ZMIZ1: variants seen among roughly 807,000 people sequenced by gnomAD.
ZMIZ1 encodes zinc finger MIZ-type containing 1, also known as zinc finger MIZ domain-containing protein 1.
A neutral mutation model predicts 113.9 loss-of-function variants in ZMIZ1; 17 were observed. That is an observed-to-expected ratio of 0.15 (90% CI 0.10 to 0.22). ZMIZ1 has a LOEUF of 0.22. ZMIZ1 is among the 10% of genes least tolerant of loss of function. ZMIZ1 has a pLI of 1.00. For synonymous variants in ZMIZ1, 607 were observed against 603.1 expected (o/e 1.01, Z -0.09); for missense variants, 1,059 against 1,477.8 (o/e 0.72, Z 4.65).
chr10:79,314,421 C>T lies in ZMIZ1; in HGVS notation c.*1672C>T, dbSNP rs566864566. 17 of 357,130 alleles carry T rather than the reference C, an allele frequency of 4.8e-5. No individual in the cohort carries two copies. The highest frequency in any genetic ancestry group is 2.2e-4 in the East Asian group (3 of 13,598). The allele number at this position is 357,130 out of a possible 1,614,324, so 22.1% of individuals were successfully genotyped here. On this transcript the variant is annotated 3_prime_UTR_variant, in exon 25 of 25. Coordinates refer to ENST00000334512, the MANE Select transcript of ZMIZ1 (RefSeq NM_020338.4). The stretch of plus-strand genomic sequence containing the variant: ...GGCCCCAGCTGTTGACTTCCAGTCA[C>T]TGTCCCAGACGGCACAAGGTTTTCT...
chr10:79,176,124 C>T (rs1846855270), intron 4 of ZMIZ1, among the ~76,000 whole-genome samples: 1 of 152,128 alleles, frequency 6.6e-6, no homozygotes, highest in African/African-American at 2.4e-5. Flanking sequence ...GGCAGCCACA[C>T]AGACCGCACG....
At chr10:79,220,888 G>A (rs1447770593) in intron 7 of ZMIZ1, among the ~76,000 whole-genome samples, 1 of 152,056 alleles carries the variant, frequency 6.6e-6, no homozygotes, top group Admixed American at 6.6e-5. Flanking sequence ...GTGTATCTGA[G>A]CATGCTGTGT....
chr10:79,159,276 GA>G (rs776104989), intron 3 of ZMIZ1, among the ~76,000 whole-genome samples: 37 of 152,224 alleles, frequency 2.4e-4, no homozygotes, highest in Non-Finnish European at 5.1e-4. Flanking sequence ...TCTTCTCCCT[GA>G]ACTCCCCAGG....
intron 7 of ZMIZ1, among the ~76,000 whole-genome samples, chr10:79,267,408 A>G (rs1333881569): frequency 1.3e-5 from 2 of 152,274 alleles, no homozygotes; most frequent in African/African-American, 2.4e-5. Flanking sequence ...CCAAGGGAAC[A>G]TGTATACTAC....
At chr10:79,157,456 G>A (rs923063872) in intron 3 of ZMIZ1, among the ~76,000 whole-genome samples, 1 of 151,920 alleles carries the variant, frequency 6.6e-6, no homozygotes, top group South Asian at 2.1e-4. Context: ...GAGCTCTGAG[G>A]TGGCATTGGT....
chr10:79,297,859 C>T (rs565630695), intron 14 of ZMIZ1, among the ~76,000 whole-genome samples, 169 bp downstream of exon 14: 18 of 152,244 alleles, frequency 1.2e-4, no homozygotes, highest in Middle Eastern at 6.8e-3. Context: ...TGAGAATCCA[C>T]GGCTCCAGGT....
intron 3 of ZMIZ1, among the ~76,000 whole-genome samples, chr10:79,144,123 G>A (rs904459307): frequency 6.6e-5 from 10 of 152,162 alleles, no homozygotes; most frequent in South Asian, 6.2e-4. Context: ...GAGTAATCCC[G>A]TGCCTTTAGA....
chr10:79,304,232 G>A, intron 19 of ZMIZ1, 57 bp downstream of exon 19: 1 of 1,578,974 alleles, frequency 6.3e-7, no homozygotes, highest in South Asian at 1.2e-5. Context: ...GGCTGGGATG[G>A]TGAGGGGTAG....
chr10:79,288,994 G>C (rs944078800), intron 8 of ZMIZ1, among the ~76,000 whole-genome samples: 1 of 152,166 alleles, frequency 6.6e-6, no homozygotes, highest in Non-Finnish European at 1.5e-5. Flanking sequence ...GCAGCTCCAC[G>C]AGAGGACAGA....
chr10:79,302,102 C>G lies in ZMIZ1; in HGVS notation c.2020-5C>G, dbSNP rs569624395. On this transcript the variant is annotated splice_region_variant and splice_polypyrimidine_tract_variant and intron_variant, in intron 17 of 24. Transcript: ENST00000334512. ...AGGAACTGAGTGTCTCCTCTCTCCC[C>G]GCAGTCCCACCTCTTCGTGCTGCAG... 6.6e-5 allele frequency: 106 copies of G among 1,613,644 alleles called. 2 individuals carry two copies. In the Middle Eastern group the frequency reaches 1.3e-3, roughly 21 times the overall value.
intron 7 of ZMIZ1, among the ~76,000 whole-genome samples, chr10:79,262,729 TAA>T (rs942383930): frequency 2.0e-5 from 3 of 152,192 alleles, no homozygotes; most frequent in Admixed American, 6.5e-5. Flanking sequence ...GCTAGCATGC[TAA>T]AAGAGTGACA....
In ZMIZ1 at chr10:79,238,073, C is replaced by T. The variant is rs555530637; in HGVS notation, c.280+21799C>T. 1.8e-3 allele frequency among the ~76,000 whole-genome samples: 270 copies of T among 152,354 alleles called. 1 individual carries two copies. Among genetic ancestry groups the T allele is most frequent in the African/African-American group, 6.1e-3 (253 of 41,574 alleles). The stretch of plus-strand genomic sequence containing the variant: ...ACCGGCTCCCCGCTTGCCCCCTCCC[C>T]GCTCGGTAGCCTGGGGCTGAGCAGG... On this transcript the variant is annotated intron_variant, in intron 7 of 24. Coordinates refer to ENST00000334512, the MANE Select transcript of ZMIZ1 (RefSeq NM_020338.4).
chr10:79,162,225 TTG>T (rs1022978357), intron 4 of ZMIZ1, 92 bp downstream of exon 4: 2 of 397,898 alleles, frequency 5.0e-6, no homozygotes, highest in Non-Finnish European at 8.9e-6. Context: ...CGCTGGACCT[TTG>T]ACTCGGGCCT....
chr10:79,102,992 C>T (rs1351086169), intron 1 of ZMIZ1, among the ~76,000 whole-genome samples: 1 of 152,164 alleles, frequency 6.6e-6, no homozygotes, highest in African/African-American at 2.4e-5. Flanking sequence ...GGCTGGGGAA[C>T]ACAGAAGGAC....
At chr10:79,138,536 T>C (rs903157851) in intron 2 of ZMIZ1, among the ~76,000 whole-genome samples, 1 of 152,140 alleles carries the variant, frequency 6.6e-6, no homozygotes, top group African/African-American at 2.4e-5. Context: ...GGGCCAAAAA[T>C]GGTCTTGCCC....
intron 6 of ZMIZ1, among the ~76,000 whole-genome samples, chr10:79,215,774 G>A (rs1019733913): frequency 6.6e-6 from 1 of 152,086 alleles, no homozygotes. Context: ...GTTCCTGAGG[G>A]CCCAGGGCAT....
rs1272214773 is a variant in ZMIZ1, at chr10:79,313,992, G to C, written c.*1243G>C. 1 of 454,298 alleles carries C rather than the reference G, an allele frequency of 2.2e-6. No homozygotes were observed. The highest frequency in any genetic ancestry group is 4.4e-6 in the Non-Finnish European group (1 of 226,194). 28.1% of individuals were successfully genotyped at this position (454,298 alleles called of 1,614,324 possible). A position where few individuals can be genotyped will look rare whatever the true frequency, so the allele number is the denominator to read the frequency against. On this transcript the variant is annotated 3_prime_UTR_variant, in exon 25 of 25. Transcript: ENST00000334512. ...AGGCCATGGACATGTGCACCAGTAT[G>C]TACCTGCAGGCATGGGGGGGAGGGG...
At chr10:79,285,598 AT>A (rs1853025131) in intron 8 of ZMIZ1, 2 of 456,086 alleles carry the variant, frequency 4.4e-6, no homozygotes, top group Non-Finnish European at 4.4e-6. Flanking sequence ...AAATGGACAT[AT>A]TCATTTTCAG....
At chr10:79,280,647 CTTT>C (rs149948122) in intron 8 of ZMIZ1, among the ~76,000 whole-genome samples, 9 of 140,822 alleles carry the variant, frequency 6.4e-5, no homozygotes, top group East Asian at 2.1e-4. Context: ...CCACTCTGTT[CTTT>C]TTTTTTTTTT....
Sources: allele counts gnomAD v4.1 joint callset (sites outside exome capture counted in the v4.1 genomes callset), GRCh38; gene constraint gnomAD v4.1.1; transcripts MANE v1.5; gene names NCBI Gene and HGNC (gene_info 2026-07-23, HGNC 2026-07-21).